MEIS2: variants seen among roughly 807,000 people sequenced by gnomAD.
MEIS2 encodes the protein Meis homeobox 2, also known as homeobox protein Meis2.
MEIS2 carries 9 observed loss-of-function variants against 58.6 expected under a neutral mutation model. The ratio of observed to expected loss-of-function variants is 0.15; its 90% CI spans 0.09 to 0.27. The LOEUF is 0.27. Among genes scored for constraint, MEIS2 ranks in the 10% least tolerant of loss-of-function variants. The pLI, the probability that MEIS2 is intolerant of heterozygous loss-of-function variation, is 1.00. For synonymous variants in MEIS2, 221 were observed against 228.4 expected (o/e 0.97, Z 0.29); for missense variants, 427 against 635.0 (o/e 0.67, Z 3.52).
At chr15:36,971,537 TAAAAAAAAAAA>T (rs71126247) in intron 8 of MEIS2, among the ~76,000 whole-genome samples, 5 of 67,086 alleles carry the variant, frequency 7.5e-5, no homozygotes, top group East Asian at 4.0e-4. Flanking sequence ...CTTGTTACAT[TAAAAAAAAAAA>T]AAAAAAAAAA....
At chr15:37,028,252 T>C (rs1486170481) in intron 8 of MEIS2, among the ~76,000 whole-genome samples, 2 of 152,212 alleles carry the variant, frequency 1.3e-5, no homozygotes, top group African/African-American at 4.8e-5. Flanking sequence ...GAGGAGACTA[T>C]GCATTTCATT....
At chr15:37,022,463 G>A (rs1248388702) in intron 8 of MEIS2, among the ~76,000 whole-genome samples, 1 of 152,006 alleles carries the variant, frequency 6.6e-6, no homozygotes, top group Admixed American at 6.5e-5. Context: ...TCCCCAGGCT[G>A]GTCTTGAAAT....
intron 1 of MEIS2, chr15:37,098,879 G>A: frequency 1.0e-6 from 1 of 983,280 alleles, no homozygotes; most frequent in African/African-American, 1.7e-5. Context: ...GAGGGTGGGG[G>A]GGCGAATAAC....
chr15:37,078,676 C>T (rs74008850), intron 7 of MEIS2, among the ~76,000 whole-genome samples: 1 of 147,522 alleles, frequency 6.8e-6, no homozygotes, highest in African/African-American at 2.5e-5. Flanking sequence ...CCACAAAACT[C>T]CATGTTAGGT....
intron 8 of MEIS2, among the ~76,000 whole-genome samples, chr15:37,031,643 C>A (rs901153262): frequency 2.0e-5 from 3 of 151,994 alleles, no homozygotes; most frequent in Admixed American, 6.6e-5. Flanking sequence ...TCCCATAAGT[C>A]AGATTCTAAT....
chr15:37,099,273 C>A, intron 1 of MEIS2, 182 bp downstream of exon 1: 1 of 1,466,282 alleles, frequency 6.8e-7, no homozygotes. Context: ...CACACACTCG[C>A]ACACACGCAG....
At chr15:37,067,758 AAAAC>A (rs956678432) in intron 7 of MEIS2, among the ~76,000 whole-genome samples, 3 of 152,120 alleles carry the variant, frequency 2.0e-5, no homozygotes, top group African/African-American at 4.8e-5. Context: ...TCTGTGTTAT[AAAAC>A]AAACAAACAA....
At chr15:37,088,056 A>G (rs1047700860) in intron 6 of MEIS2, among the ~76,000 whole-genome samples, 13 of 152,144 alleles carry the variant, frequency 8.5e-5, no homozygotes, top group Admixed American at 5.2e-4. Flanking sequence ...GAAAGAAAAC[A>G]TTAGATTGGA....
intron 9 of MEIS2, among the ~76,000 whole-genome samples, chr15:36,909,686 C>G (rs534549425): frequency 6.6e-6 from 1 of 152,088 alleles, no homozygotes; most frequent in Non-Finnish European, 1.5e-5. Flanking sequence ...CCAGGTAAAT[C>G]GTGGGTGCAG....
At chr15:36,895,540 G>C (rs1189735162) in intron 10 of MEIS2, among the ~76,000 whole-genome samples, 1 of 152,158 alleles carries the variant, frequency 6.6e-6, no homozygotes, top group Non-Finnish European at 1.5e-5. Flanking sequence ...GGGGACGAAG[G>C]CTGGAGAAGT....
intron 6 of MEIS2, among the ~76,000 whole-genome samples, chr15:37,085,018 A>T (rs1374078195): frequency 6.6e-6 from 1 of 152,202 alleles, no homozygotes; most frequent in East Asian, 1.9e-4. Context: ...AACCAATCAA[A>T]GTATACAAAG....
At chr15:36,972,135 TG>T (rs2059591266) in intron 8 of MEIS2, among the ~76,000 whole-genome samples, 1 of 152,196 alleles carries the variant, frequency 6.6e-6, no homozygotes, top group Non-Finnish European at 1.5e-5. Flanking sequence ...TTTTTCATGA[TG>T]TTCCGTTATG....
intron 7 of MEIS2, among the ~76,000 whole-genome samples, chr15:37,054,845 C>T (rs576284090): frequency 2.0e-5 from 3 of 152,308 alleles, no homozygotes; most frequent in South Asian, 2.1e-4. Context: ...AAATGATTAG[C>T]GTACATTCTA....
chr15:36,971,537 T>TAAAAAAAAAAAAAAAAAAAAAAA (rs71126247), intron 8 of MEIS2, among the ~76,000 whole-genome samples: 4 of 67,114 alleles, frequency 6.0e-5, no homozygotes, highest in African/African-American at 2.1e-4. Context: ...CTTGTTACAT[T>TAAAAAAAAAAAAAAAAAAAAAAA]AAAAAAAAAA....
chr15:36,980,444 C>T (rs1320493392), intron 8 of MEIS2, among the ~76,000 whole-genome samples: 2 of 152,070 alleles, frequency 1.3e-5, no homozygotes, highest in Non-Finnish European at 2.9e-5. Flanking sequence ...CAAGGAGGAG[C>T]AAGTCACCTC....
rs1894649297 is a variant in MEIS2, at chr15:37,098,422, GA to G, written c.13-224del. 5.3e-5 allele frequency: 58 copies of G among 1,099,184 alleles called. No individual in the cohort carries two copies. In the African/African-American group the frequency reaches 6.2e-4, roughly 12 times the overall value. 68.1% of individuals were successfully genotyped at this position (1,099,184 alleles called of 1,614,324 possible). On this transcript the variant is annotated intron_variant, in intron 1 of 11. Coordinates refer to ENST00000561208, the MANE Select transcript of MEIS2 (RefSeq NM_170675.5). ...AGAGAGAGAGAGAGAGAGAGAGAGAGAGAAAATAAAAATAAAAACAAAGTCA... is the reference window on the plus strand; with the variant it reads ...AGAGAGAGAGAGAGAGAGAGAGAGAGGAAAATAAAAATAAAAACAAAGTCA...
At chr15:37,084,931 G>A (rs141173268) in intron 6 of MEIS2, among the ~76,000 whole-genome samples, 15 of 152,224 alleles carry the variant, frequency 9.9e-5, no homozygotes, top group Non-Finnish European at 1.6e-4. Flanking sequence ...TGCATATGAC[G>A]ACTTCAATTA....
In MEIS2 at chr15:36,892,085, T is replaced by C. The variant is rs2055886969; in HGVS notation, c.*88A>G. On this transcript the variant is annotated 3_prime_UTR_variant, in exon 12 of 12. Transcript: ENST00000561208. The stretch of plus-strand genomic sequence containing the variant: ...AAAATAATCACAGCTGTCTGGAATT[T>C]CATATTAAGTGTCAACATCTGGTCA... 2.2e-6 allele frequency: 3 copies of C among 1,374,854 alleles called. No individual in the cohort carries two copies. Among genetic ancestry groups the C allele is most frequent in the Non-Finnish European group, 2.0e-6 (2 of 983,284 alleles). The allele number at this position is 1,374,854 out of a possible 1,614,324, so 85.2% of individuals were successfully genotyped here.
chr15:36,991,344 C>T (rs2060266202), intron 8 of MEIS2, among the ~76,000 whole-genome samples: 1 of 151,328 alleles, frequency 6.6e-6, no homozygotes, highest in South Asian at 2.1e-4. Context: ...ACATCTTATT[C>T]TTTTATCATG....
Sources: allele counts gnomAD v4.1 joint callset (sites outside exome capture counted in the v4.1 genomes callset), GRCh38; gene constraint gnomAD v4.1.1; transcripts MANE v1.5; gene names NCBI Gene and HGNC (gene_info 2026-07-23, HGNC 2026-07-21).